Variants in PRKACB observed in about 807,000 individuals in gnomAD.
PRKACB encodes the protein protein kinase cAMP-activated catalytic subunit beta.
PRKACB carries 16 observed loss-of-function variants against 51.4 expected under a neutral mutation model. That is an observed-to-expected ratio of 0.31 (90% CI 0.21 to 0.47). The LOEUF (loss-of-function observed/expected upper bound fraction) is 0.47. Ranked by LOEUF, PRKACB falls within the 20% of genes least tolerant of loss-of-function variation. The pLI is 1.00. For synonymous variants in PRKACB, 147 were observed against 154.4 expected, an observed-to-expected ratio of 0.95 and a Z score of 0.35; for missense variants, 309 against 464.5, an observed-to-expected ratio of 0.67 and a Z score of 3.08.
chr1:84,169,582 A>G (rs2100793703), intron 1 of PRKACB, among the ~76,000 whole-genome samples: 1 of 151,774 alleles, frequency 6.6e-6, no homozygotes, highest in East Asian at 1.9e-4. Flanking sequence ...GATGGAAAGT[A>G]TGTTAAATAA....
At chr1:84,164,687 T>G in intron 1 of PRKACB, 2 of 1,393,860 alleles carry the variant, frequency 1.4e-6, no homozygotes, top group Non-Finnish European at 1.9e-6. Flanking sequence ...TCGAACATTT[T>G]CTCCCTGCCA....
intron 7 of PRKACB, among the ~76,000 whole-genome samples, chr1:84,198,958 C>CGT (rs1669044445): frequency 7.0e-6 from 1 of 143,742 alleles, no homozygotes; most frequent in Non-Finnish European, 1.5e-5. Context: ...CATATATATT[C>CGT]ATATATATGT....
chr1:84,209,418 A>C (rs1397213304), intron 8 of PRKACB, among the ~76,000 whole-genome samples: 1 of 152,016 alleles, frequency 6.6e-6, no homozygotes, highest in Non-Finnish European at 1.5e-5. Context: ...AACTGATGGC[A>C]ACTCCACCCT....
At chr1:84,184,531 T>C (rs986197498) in intron 4 of PRKACB, among the ~76,000 whole-genome samples, 3 of 151,882 alleles carry the variant, frequency 2.0e-5, no homozygotes, top group Admixed American at 6.6e-5. Context: ...TTTTCACTTA[T>C]ACAAAGCAAA....
At chr1:84,103,866 T>C (rs555110608) in intron 1 of PRKACB, among the ~76,000 whole-genome samples, 9 of 152,222 alleles carry the variant, frequency 5.9e-5, no homozygotes, top group Non-Finnish European at 1.3e-4. Context: ...TAATTGTACA[T>C]ATTTATAGGA....
chr1:84,151,276 A>G (rs1285900222), intron 1 of PRKACB, among the ~76,000 whole-genome samples: 1 of 152,192 alleles, frequency 6.6e-6, no homozygotes, highest in Non-Finnish European at 1.5e-5. Flanking sequence ...AAAAGTACAT[A>G]TCTTAATTTG....
chr1:84,183,934 T>G, intron 3 of PRKACB, 103 bp from the exon 4 acceptor site: 1 of 1,205,782 alleles, frequency 8.3e-7, no homozygotes, highest in East Asian at 2.9e-5. Flanking sequence ...ATTCTAACAA[T>G]TTTGCTTATC....
At chr1:84,174,422 T>C (rs1278310604) in intron 1 of PRKACB, among the ~76,000 whole-genome samples, 1 of 151,896 alleles carries the variant, frequency 6.6e-6, no homozygotes, top group Non-Finnish European at 1.5e-5. Context: ...ATTGCCTTTG[T>C]TGTAGTCTTT....
intron 1 of PRKACB, among the ~76,000 whole-genome samples, chr1:84,113,258 G>A (rs941856125): frequency 3.3e-5 from 5 of 152,116 alleles, no homozygotes; most frequent in African/African-American, 1.2e-4. Context: ...CAATTTGGTT[G>A]TATCAGTTAA....
intron 1 of PRKACB, chr1:84,164,707 G>C: frequency 7.2e-7 from 1 of 1,390,762 alleles, no homozygotes; most frequent in Admixed American, 3.0e-5. Context: ...ATTTTGAGTT[G>C]TTCTAGTGGT....
At chr1:84,123,704 G>A (rs1231404080) in intron 1 of PRKACB, among the ~76,000 whole-genome samples, 1 of 152,048 alleles carries the variant, frequency 6.6e-6, no homozygotes, top group Admixed American at 6.6e-5. Flanking sequence ...TCTGGAAAAT[G>A]GGATAATAAT....
At chr1:84,205,010 A>C (rs1671114362) in intron 8 of PRKACB, 1 of 983,836 alleles carries the variant, frequency 1.0e-6, no homozygotes, top group Non-Finnish European at 1.2e-6. Flanking sequence ...AATCCTGGGC[A>C]CCTTAGAAGA....
chr1:84,189,489 A>G (rs1304402933), intron 5 of PRKACB, among the ~76,000 whole-genome samples: 1 of 151,820 alleles, frequency 6.6e-6, no homozygotes, highest in African/African-American at 2.4e-5. Flanking sequence ...GAGTTGAGGA[A>G]AAAGGTTGAA....
chr1:84,171,006 CTTAA>C (rs1289973479), intron 1 of PRKACB, among the ~76,000 whole-genome samples: 2 of 151,378 alleles, frequency 1.3e-5, no homozygotes, highest in Non-Finnish European at 3.0e-5. Flanking sequence ...TATATCAATT[CTTAA>C]TTACTTAACT....
At chr1:84,097,246 G>C (rs1648990030) in intron 1 of PRKACB, among the ~76,000 whole-genome samples, 1 of 151,838 alleles carries the variant, frequency 6.6e-6, no homozygotes, top group African/African-American at 2.4e-5. Flanking sequence ...ACTCATTTCT[G>C]TTAGGTATAT....
chr1:84,172,553 CTG>C (rs947122207), intron 1 of PRKACB, among the ~76,000 whole-genome samples: 3 of 151,660 alleles, frequency 2.0e-5, no homozygotes, highest in Non-Finnish European at 3.0e-5. Flanking sequence ...AATGAATACA[CTG>C]TGTGAATTCA....
intron 1 of PRKACB, among the ~76,000 whole-genome samples, chr1:84,094,810 T>C (rs1016391563): frequency 6.6e-6 from 1 of 151,998 alleles, no homozygotes; most frequent in South Asian, 2.1e-4. Flanking sequence ...CTTATTTTAC[T>C]TCTGGTGTGA....
At chr1:84,095,982 T>C (rs1461695934) in intron 1 of PRKACB, among the ~76,000 whole-genome samples, 1 of 152,058 alleles carries the variant, frequency 6.6e-6, no homozygotes, top group Non-Finnish European at 1.5e-5. Flanking sequence ...GGTTATTTGG[T>C]CTTATCTTTT....
intron 1 of PRKACB, among the ~76,000 whole-genome samples, chr1:84,129,029 A>C (rs1398663731): frequency 6.6e-6 from 1 of 152,216 alleles, no homozygotes. Context: ...CATATGAATA[A>C]AAGCAATTTG....
Sources: allele counts gnomAD v4.1 joint callset (sites outside exome capture counted in the v4.1 genomes callset), GRCh38; gene constraint gnomAD v4.1.1; transcripts MANE v1.5; gene names NCBI Gene and HGNC (gene_info 2026-07-23, HGNC 2026-07-21).